Variants in MAP3K13 observed in about 807,000 individuals in gnomAD.
The protein encoded by MAP3K13 is mitogen-activated protein kinase kinase kinase 13, also known as leucine zipper-bearing kinase.
Under a neutral mutation model 104.0 loss-of-function variants are expected in MAP3K13, and 52 were observed. The observed-to-expected ratio is 0.50, with a 90% CI of 0.40 to 0.63. The LOEUF is 0.63. Ranked by LOEUF, MAP3K13 falls within the 20% of genes least tolerant of loss-of-function variation. The pLI is 0.00. For missense variants in MAP3K13, 914 were observed against 1,218.5 expected (o/e 0.75, Z 3.72); for synonymous variants, 394 against 442.2 (o/e 0.89, Z 1.37).
intron 1 of MAP3K13, among the ~76,000 whole-genome samples, chr3:185,384,803 T>C (rs1046617294): frequency 1.3e-5 from 2 of 152,218 alleles, no homozygotes; most frequent in African/African-American, 4.8e-5. Flanking sequence ...GGATTATTAT[T>C]ATTAGTTTTT....
chr3:185,466,883 T>C lies in MAP3K13; in HGVS notation c.1563T>C (p.Arg521=). ...GGACCTACAAACGACACCCTGTTCG[T>C]CCTATCATCCATCCCAATGCCATGG... ...YPGTYKRHPV[R]PIIHPNAMEK... The change falls in exon 10 of 14, where the codon CGT becomes CGC. Residue 521 remains arginine, a synonymous_variant. Transcript: ENST00000265026. The C allele has an allele frequency of 6.2e-7, 1 of 1,613,872 alleles. No individual in the cohort carries two copies. The highest frequency in any genetic ancestry group is 8.5e-7 in the Non-Finnish European group (1 of 1,179,846).
At chr3:185,454,488 A>G (rs1471629041) in intron 7 of MAP3K13, among the ~76,000 whole-genome samples, 2 of 114,752 alleles carry the variant, frequency 1.7e-5, no homozygotes, top group South Asian at 2.5e-4. Context: ...TATATATGAT[A>G]TATATACATA....
At chr3:185,380,202 C>CAAAACAAAACA (rs545416651) in intron 1 of MAP3K13, among the ~76,000 whole-genome samples, 11,642 of 150,420 alleles carry the variant, frequency 0.077, 576 homozygotes, top group Admixed American at 0.14. Context: ...CAAAACAAAA[C>CAAAACAAAACA]AAAAAAACAG....
chr3:185,455,371 T>TGATATATATGA (rs1560119298), intron 7 of MAP3K13, among the ~76,000 whole-genome samples: 8 of 72,784 alleles, frequency 1.1e-4, no homozygotes, highest in African/African-American at 4.1e-4. Flanking sequence ...GAGATATATA[T>TGATATATATGA]GATATATATG....
chr3:185,462,800 T>A (rs545337902), intron 7 of MAP3K13, among the ~76,000 whole-genome samples: 6 of 150,432 alleles, frequency 4.0e-5, no homozygotes, highest in Admixed American at 6.6e-5. Flanking sequence ...AATAAACAAA[T>A]TTTTTTTAAA....
intron 1 of MAP3K13, among the ~76,000 whole-genome samples, chr3:185,397,061 A>C (rs1429015486): frequency 6.6e-6 from 1 of 151,964 alleles, no homozygotes; most frequent in African/African-American, 2.4e-5. Context: ...TGGTTTCCAG[A>C]ACCAATTCAT....
intron 2 of MAP3K13, among the ~76,000 whole-genome samples, chr3:185,332,256 T>C (rs979814369): frequency 6.6e-6 from 1 of 151,872 alleles, no homozygotes; most frequent in Non-Finnish European, 1.5e-5. Context: ...GTACTGTTTC[T>C]CATATCCTTG....
chr3:185,284,940 G>C (rs1049439884), intron 1 of MAP3K13, among the ~76,000 whole-genome samples: 3 of 151,892 alleles, frequency 2.0e-5, no homozygotes, highest in African/African-American at 7.3e-5. Context: ...GAATGTTGAT[G>C]GGCTACATAA....
chr3:185,387,031 C>T (rs781178605), intron 1 of MAP3K13, among the ~76,000 whole-genome samples: 5 of 151,894 alleles, frequency 3.3e-5, no homozygotes, highest in African/African-American at 7.3e-5. Flanking sequence ...AACAGACCTG[C>T]GCATCCTGCA....
At chr3:185,437,897 T>C (rs1207897044) in intron 3 of MAP3K13, among the ~76,000 whole-genome samples, 1 of 152,094 alleles carries the variant, frequency 6.6e-6, no homozygotes, top group Non-Finnish European at 1.5e-5. Context: ...AGGGAAAATG[T>C]GGGTTCCTGC....
chr3:185,338,060 G>C (rs913997713), intron 2 of MAP3K13, among the ~76,000 whole-genome samples: 1 of 152,042 alleles, frequency 6.6e-6, no homozygotes. Flanking sequence ...CAGTCGCAGC[G>C]GCTCACACCT....
chr3:185,320,317 G>A (rs1182843571), intron 2 of MAP3K13, among the ~76,000 whole-genome samples: 3 of 152,126 alleles, frequency 2.0e-5, no homozygotes, highest in African/African-American at 7.2e-5. Flanking sequence ...CTGACCTCAG[G>A]TGATCCACCC....
Position 185,473,165 on chromosome 3 carries a change from C to G in MAP3K13, c.1834C>G (p.Gln612Glu), listed in dbSNP as rs1577620060. The change falls in exon 11 of 14, where the codon CAG (glutamine) becomes GAG (glutamate). Residue 612 changes from glutamine to glutamate, a missense_variant. Gln to Glu is a conservative substitution (Grantham distance 29). Coordinates refer to ENST00000265026, the MANE Select transcript of MAP3K13 (RefSeq NM_004721.5). This position sits in a 1 kb window ranked among gnomAD's most constrained non-coding sequence, Gnocchi z 4.9. Reference sequence around the variant, plus strand: ...CGCAATCTTGAAAAACCAGCCAGCCCAGGAAAATTCACCCCATCCCACTTA... The same window carrying G: ...CGCAATCTTGAAAAACCAGCCAGCCGAGGAAAATTCACCCCATCCCACTTA... The part of the protein sequence containing the change: ...FAAILKNQPA[Q>E]ENSPHPTYLH... 4.3e-6 allele frequency: 7 copies of G among 1,614,148 alleles called. 2 individuals are homozygous for G. The African/African-American group carries it at 5.3e-5, about 12-fold the overall frequency.
At chr3:185,292,653 C>G in intron 2 of MAP3K13, 2 of 985,312 alleles carry the variant, frequency 2.0e-6, no homozygotes, top group Non-Finnish European at 2.4e-6. Context: ...GGAAGTCATT[C>G]CCTCAGATTT....
chr3:185,486,747 G>C lies in MAP3K13; in HGVS notation c.*4291G>C, dbSNP rs561758391. Reference sequence around the variant, plus strand: ...GAGTTTTAATTTGGGTTGCAGATGAGCATTTGGTTCTGATTTTCATCTATT... The same window carrying C: ...GAGTTTTAATTTGGGTTGCAGATGACCATTTGGTTCTGATTTTCATCTATT... On this transcript the variant is annotated 3_prime_UTR_variant, in exon 14 of 14. Coordinates refer to ENST00000265026, the MANE Select transcript of MAP3K13 (RefSeq NM_004721.5). The C allele has an allele frequency of 6.6e-6, 1 of 152,308 alleles. No homozygotes were observed. Among genetic ancestry groups the C allele is most frequent in the East Asian group, 1.9e-4 (1 of 5,190 alleles). 9.4% of individuals were successfully genotyped at this position (152,308 alleles called of 1,614,324 possible).
At chr3:185,448,879 A>G (rs913465059) in intron 5 of MAP3K13, among the ~76,000 whole-genome samples, 29 of 152,218 alleles carry the variant, frequency 1.9e-4, no homozygotes, top group African/African-American at 6.3e-4. Context: ...AATGACTCAT[A>G]ATCTTTGCTC....
At chr3:185,387,794 G>A (rs762764674) in intron 1 of MAP3K13, among the ~76,000 whole-genome samples, 3 of 152,050 alleles carry the variant, frequency 2.0e-5, no homozygotes, top group African/African-American at 7.2e-5. Flanking sequence ...ATTCAACATA[G>A]CATGGGAAGT....
intron 2 of MAP3K13, among the ~76,000 whole-genome samples, chr3:185,338,457 A>G (rs1345721690): frequency 6.6e-6 from 1 of 152,204 alleles, no homozygotes; most frequent in Non-Finnish European, 1.5e-5. Context: ...GTGTTCAAAC[A>G]ATGTACTTAA....
intron 1 of MAP3K13, among the ~76,000 whole-genome samples, chr3:185,406,704 G>A (rs1481378955): frequency 2.0e-5 from 3 of 152,190 alleles, no homozygotes; most frequent in Non-Finnish European, 4.4e-5. Context: ...ATTATGTGAA[G>A]AAGGTCATTT....
Sources: allele counts gnomAD v4.1 joint callset (sites outside exome capture counted in the v4.1 genomes callset), GRCh38; gene constraint gnomAD v4.1.1; non-coding constraint Gnocchi (gnomAD v3.1); transcripts MANE v1.5; gene names NCBI Gene and HGNC (gene_info 2026-07-23, HGNC 2026-07-21).